KIRREL3: variants seen among roughly 807,000 people sequenced by gnomAD.
KIRREL3 encodes kin of IRRE-like protein 3.
KIRREL3 carries 36 observed loss-of-function variants against 89.7 expected under a neutral mutation model. The observed-to-expected ratio is 0.40, with a 90% CI of 0.31 to 0.53. The LOEUF (loss-of-function observed/expected upper bound fraction) is 0.53, where lower values mean the gene tolerates loss of function less well. Ranked by LOEUF, KIRREL3 falls within the 20% of genes least tolerant of loss-of-function variation. The probability of loss-of-function intolerance (pLI) is 0.49; values close to 1 mark genes in which losing one functional copy is unlikely to be tolerated. For synonymous variants in KIRREL3, 445 were observed against 441.4 expected (o/e 1.01, Z -0.10); for missense variants, 864 against 1,056.6 (o/e 0.82, Z 2.53).
At chr11:126,667,220 A>C (rs1165078694) in intron 1 of KIRREL3, among the ~76,000 whole-genome samples, 1 of 152,250 alleles carries the variant, frequency 6.6e-6, no homozygotes, top group Non-Finnish European at 1.5e-5. Context: ...CAATCGCAGC[A>C]AAAGTCCATT....
rs929585299 is a variant in KIRREL3 at position 126,462,977 on chromosome 11, G to C, written c.742+180C>G. Among the ~76,000 whole-genome samples, 2 of 152,234 alleles carry C rather than the reference G, an allele frequency of 1.3e-5. No homozygotes were observed. The highest frequency in any genetic ancestry group is 4.8e-5 in the African/African-American group (2 of 41,454). On this transcript the variant is annotated intron_variant, in intron 6 of 16. Transcript: ENST00000525144. This position sits in a 1 kb window ranked among gnomAD's most constrained non-coding sequence, Gnocchi z 4.8. The stretch of plus-strand genomic sequence containing the variant: ...GCGAAAGACCCTCATCTGTGAGGTT[G>C]CATCTCATGACAGTAAGGAAGACAA...
intron 1 of KIRREL3, among the ~76,000 whole-genome samples, chr11:126,732,121 T>C (rs1252638424): frequency 6.6e-6 from 1 of 152,200 alleles, no homozygotes; most frequent in Non-Finnish European, 1.5e-5. Flanking sequence ...CTGGGGTCTT[T>C]ACAATCTGCT....
rs982192096 is a variant in KIRREL3, at chr11:126,723,162, C to A, written c.56-160250G>T. Among the ~76,000 whole-genome samples, 2 of 151,942 alleles carry A rather than the reference C, an allele frequency of 1.3e-5. No individual in the cohort carries two copies. The highest frequency in any genetic ancestry group is 4.8e-5 in the African/African-American group (2 of 41,392). Reference sequence around the variant, plus strand: ...GTTTGTTCGTCTCCGTCCCAGGCATCTATCTCAGAGCCTGCAGCCCTGACA... The same window carrying A: ...GTTTGTTCGTCTCCGTCCCAGGCATATATCTCAGAGCCTGCAGCCCTGACA... On this transcript the variant is annotated intron_variant, in intron 1 of 16. Transcript: ENST00000525144. This position sits in a 1 kb window ranked among gnomAD's most constrained non-coding sequence, Gnocchi z 4.0.
intron 1 of KIRREL3, among the ~76,000 whole-genome samples, chr11:126,828,537 A>T (rs1195794428): frequency 6.6e-6 from 1 of 152,192 alleles, no homozygotes; most frequent in Non-Finnish European, 1.5e-5. Flanking sequence ...CAGCAGGACC[A>T]GGGGAGTGGG....
intron 3 of KIRREL3, among the ~76,000 whole-genome samples, chr11:126,524,850 C>T (rs1011116850): frequency 2.6e-5 from 4 of 152,198 alleles, no homozygotes; most frequent in African/African-American, 9.7e-5. Flanking sequence ...GTTTCCACAT[C>T]AGGCAAGCGA....
chr11:126,595,694 A>G (rs1354000461), intron 1 of KIRREL3, among the ~76,000 whole-genome samples: 1 of 152,128 alleles, frequency 6.6e-6, no homozygotes, highest in Non-Finnish European at 1.5e-5. Flanking sequence ...TTTTTCTCCC[A>G]GGGAGACCCA....
chr11:126,922,003 CTATCATCTATCTTCCT>C lies in KIRREL3; in HGVS notation c.55+78436_55+78451del, dbSNP rs1416869071. Among the ~76,000 whole-genome samples the C allele has an allele frequency of 5.5e-5, 8 of 144,556 alleles. No homozygotes were observed. The South Asian group carries it at 6.6e-4, about 12-fold the overall frequency. 94.8% of individuals were successfully genotyped at this position (144,556 alleles called of 152,430 possible). Reference sequence around the variant, plus strand: ...TCTATCTATCTATCTATCTATCTATCTATCATCTATCTTCCTATCTATCTTCCTATCTATCTATCTT... The same window carrying C: ...TCTATCTATCTATCTATCTATCTATCATCTATCTTCCTATCTATCTATCTT... On this transcript the variant is annotated intron_variant, in intron 1 of 16. Coordinates refer to ENST00000525144, the MANE Select transcript of KIRREL3 (RefSeq NM_032531.4).
rs200326689 is a variant in KIRREL3 at position 126,569,481 on chromosome 11, G to A, written c.56-6569C>T. Reference sequence around the variant, plus strand: ...TGTAAAGTCCAAGGCACAGACACTCGCAAAGAGGCCACTAAGTGCTGGGCA... The same window carrying A: ...TGTAAAGTCCAAGGCACAGACACTCACAAAGAGGCCACTAAGTGCTGGGCA... On this transcript the variant is annotated intron_variant, in intron 1 of 16. Transcript: ENST00000525144. The surrounding 1 kb of genome is among the most constrained non-coding windows in gnomAD (Gnocchi z 6.5). Among the ~76,000 whole-genome samples, 4 of 152,128 alleles carry A rather than the reference G, an allele frequency of 2.6e-5. No individual in the cohort carries two copies. Among genetic ancestry groups the A allele is most frequent in the African/African-American group, 9.7e-5 (4 of 41,410 alleles).
chr11:126,511,214 C>T (rs1012704965), intron 4 of KIRREL3, among the ~76,000 whole-genome samples: 2 of 151,962 alleles, frequency 1.3e-5, no homozygotes, highest in African/African-American at 4.8e-5. Context: ...GTCCCAGCTA[C>T]TTGGGAGGCT....
rs899429850 is a variant in KIRREL3, at chr11:126,752,337, G to A, written c.56-189425C>T. Among the ~76,000 whole-genome samples the A allele has an allele frequency of 3.3e-5, 5 of 152,034 alleles. No homozygotes were observed. Among genetic ancestry groups the A allele is most frequent in the African/African-American group, 7.3e-5 (3 of 41,350 alleles). ...GATTTTGCAGATTCCTTTCCTGAGA[G>A]TTGAAATGATGGCTTTAAAAAATGT... On this transcript the variant is annotated intron_variant, in intron 1 of 16. Coordinates refer to ENST00000525144, the MANE Select transcript of KIRREL3 (RefSeq NM_032531.4). The surrounding 1 kb of genome is among the most constrained non-coding windows in gnomAD (Gnocchi z 4.8).
chr11:126,960,999 G>C (rs1949068545), intron 1 of KIRREL3, among the ~76,000 whole-genome samples: 1 of 151,976 alleles, frequency 6.6e-6, no homozygotes, highest in South Asian at 2.1e-4. Context: ...AATTGTTTTG[G>C]GGTGCCACAA....
At chr11:126,851,932 G>T (rs1028024081) in intron 1 of KIRREL3, among the ~76,000 whole-genome samples, 2 of 152,208 alleles carry the variant, frequency 1.3e-5, no homozygotes, top group African/African-American at 4.8e-5. Context: ...GGAGAGTAGG[G>T]CGGGTGGAAG....
chr11:126,799,428 ATGTGTG>A (rs200643797), intron 1 of KIRREL3, among the ~76,000 whole-genome samples: 1 of 68,562 alleles, frequency 1.5e-5, no homozygotes, highest in African/African-American at 5.6e-5. Context: ...CTCTGTGTGC[ATGTGTG>A]TATCTGTGTG....
rs545800158 is a variant in KIRREL3, at chr11:126,853,221, T to G, written c.55+147234A>C. Among the ~76,000 whole-genome samples the G allele has an allele frequency of 8.7e-4, 132 of 152,340 alleles. 1 individual carries two copies. The highest frequency in any genetic ancestry group is 3.0e-3 in the African/African-American group (124 of 41,568). On this transcript the variant is annotated intron_variant, in intron 1 of 16. Transcript: ENST00000525144. ...AGTGTCTCTCAATCCTTCTACTAGC[T>G]TCTCGAAGAATTAAGATTTGATCTT...
At position 126,424,962 on chromosome 11, in the gene KIRREL3, A is replaced by C. The variant is rs370757118; in HGVS notation, c.1955T>G (p.Ile652Ser). The change falls in exon 17 of 17, where the codon ATC becomes AGC. Residue 652 changes from isoleucine (I) to serine (S), a missense_variant. Coordinates refer to ENST00000525144, the MANE Select transcript of KIRREL3 (RefSeq NM_032531.4). ...GTCGGGCTGGCAGCTGGAGAGGGAG[A>C]TGGTCGGGGTTGAGTGGTGCTCTTT... ...TFKEHHSTPTISLSSCQPDLR... is the reference protein window; with the variant it reads ...TFKEHHSTPTSSLSSCQPDLR... The C allele has an allele frequency of 5.0e-6, 8 of 1,588,202 alleles. No individual in the cohort carries two copies. In the African/African-American group the frequency reaches 1.1e-4, roughly 21 times the overall value.
At chr11:126,517,090 A>G (rs1032838072) in intron 4 of KIRREL3, among the ~76,000 whole-genome samples, 4 of 150,304 alleles carry the variant, frequency 2.7e-5, no homozygotes, top group Non-Finnish European at 5.9e-5. Context: ...ACAAACCAAA[A>G]AAGTGTATGA....
chr11:126,698,246 C>T (rs552309976), intron 1 of KIRREL3, among the ~76,000 whole-genome samples: 4 of 152,166 alleles, frequency 2.6e-5, no homozygotes, highest in African/African-American at 7.2e-5. Flanking sequence ...ACTGCTACCA[C>T]GTTCTCATGC....
chr11:126,738,273 C>T (rs146631037), intron 1 of KIRREL3, among the ~76,000 whole-genome samples: 377 of 152,286 alleles, frequency 2.5e-3, no homozygotes, highest in Non-Finnish European at 4.6e-3. Context: ...CCAACAGCCC[C>T]TGTTGCCCCC....
intron 1 of KIRREL3, among the ~76,000 whole-genome samples, chr11:126,731,796 G>T (rs1394978432): frequency 6.6e-6 from 1 of 152,254 alleles, no homozygotes; most frequent in Non-Finnish European, 1.5e-5. Flanking sequence ...TGCTGCCTCC[G>T]TAAGTGCTTC....
Sources: gnomAD v4.1 joint callset for allele counts (sites outside exome capture counted in the v4.1 genomes callset) on GRCh38, gnomAD v4.1.1 for gene constraint, Gnocchi (gnomAD v3.1) non-coding constraint, MANE v1.5 for transcripts, NCBI Gene and HGNC (gene_info 2026-07-23, HGNC 2026-07-21) for gene names.